Variants in MEOX2 observed in about 807,000 individuals in gnomAD.
MEOX2 encodes the protein mesenchyme homeobox 2.
In MEOX2, 11 loss-of-function variants were observed where a neutral mutation model predicts 27.0. The observed-to-expected ratio is 0.41, with a 90% CI of 0.26 to 0.68. The LOEUF (loss-of-function observed/expected upper bound fraction) is 0.68. Among genes scored for constraint, MEOX2 ranks in the 30% least tolerant of loss-of-function variants. The pLI, the probability that MEOX2 is intolerant of heterozygous loss-of-function variation, is 0.33. For missense variants in MEOX2, 436 were observed against 385.4 expected (o/e 1.13, Z -1.10); for synonymous variants, 189 against 155.4 (o/e 1.22, Z -1.61).
intron 1 of MEOX2, among the ~76,000 whole-genome samples, chr7:15,634,581 C>G (rs993406219): frequency 6.6e-6 from 1 of 151,930 alleles, no homozygotes; most frequent in African/African-American, 2.4e-5. Context: ...CCAATGTACT[C>G]CATGGGGAAA....
intron 1 of MEOX2, among the ~76,000 whole-genome samples, chr7:15,628,205 T>G (rs1263958101): frequency 6.6e-6 from 1 of 152,082 alleles, no homozygotes; most frequent in African/African-American, 2.4e-5. Context: ...AAAATGAATT[T>G]TTTAGTGTTC....
At chr7:15,672,095 A>C (rs2115391199) in intron 1 of MEOX2, among the ~76,000 whole-genome samples, 1 of 151,168 alleles carries the variant, frequency 6.6e-6, no homozygotes, top group South Asian at 2.1e-4. Context: ...TCCGTTTAAA[A>C]AAAAACAAAA....
At chr7:15,678,209 C>A (rs868322373) in intron 1 of MEOX2, among the ~76,000 whole-genome samples, 15 of 152,086 alleles carry the variant, frequency 9.9e-5, no homozygotes, top group Admixed American at 7.2e-4. Flanking sequence ...GTAAGCATAG[C>A]CTATAGGTGA....
intron 1 of MEOX2, among the ~76,000 whole-genome samples, chr7:15,669,150 A>G (rs553423967): frequency 6.6e-6 from 1 of 152,366 alleles, no homozygotes; most frequent in East Asian, 1.9e-4. Context: ...TCAATATAAA[A>G]GTAAACTCAT....
chr7:15,638,637 C>G (rs935119528), intron 1 of MEOX2, among the ~76,000 whole-genome samples: 1 of 152,022 alleles, frequency 6.6e-6, no homozygotes, highest in Non-Finnish European at 1.5e-5. Flanking sequence ...TCCTCCTTCT[C>G]TCTCTCCCCT....
chr7:15,624,635 TAGTC>T (rs1231610832), intron 2 of MEOX2, among the ~76,000 whole-genome samples: 1 of 152,148 alleles, frequency 6.6e-6, no homozygotes, highest in Non-Finnish European at 1.5e-5. Flanking sequence ...ATCTCTTTCT[TAGTC>T]AGCCCACCAG....
At chr7:15,680,737 T>C (rs1476518669) in intron 1 of MEOX2, 1 of 151,960 alleles carries the variant, frequency 6.6e-6, no homozygotes, top group Non-Finnish European at 1.5e-5. Context: ...GCACATGATA[T>C]GTAGAAACAA....
intron 2 of MEOX2, among the ~76,000 whole-genome samples, chr7:15,615,752 T>C (rs923931840): frequency 6.6e-6 from 1 of 152,066 alleles, no homozygotes; most frequent in African/African-American, 2.4e-5. Flanking sequence ...TATAGGGATA[T>C]TTTCTCATGG....
At chr7:15,665,294 A>G (rs551617792) in intron 1 of MEOX2, among the ~76,000 whole-genome samples, 64 of 152,288 alleles carry the variant, frequency 4.2e-4, no homozygotes, top group Middle Eastern at 3.4e-3. Flanking sequence ...AGTATGAAAA[A>G]AAAGCACCTT....
intron 1 of MEOX2, among the ~76,000 whole-genome samples, chr7:15,638,813 A>T (rs1021580441): frequency 2.6e-5 from 4 of 152,108 alleles, no homozygotes; most frequent in African/African-American, 9.7e-5. Flanking sequence ...ACAGGATTTG[A>T]TACCTTTTTT....
intron 1 of MEOX2, among the ~76,000 whole-genome samples, chr7:15,649,478 C>G (rs918397523): frequency 2.6e-5 from 4 of 151,970 alleles, no homozygotes; most frequent in African/African-American, 7.2e-5. Flanking sequence ...TGAAGTTTCA[C>G]AAGCAAATTA....
intron 1 of MEOX2, among the ~76,000 whole-genome samples, chr7:15,646,785 A>G (rs1781657443): frequency 6.6e-6 from 1 of 151,986 alleles, no homozygotes; most frequent in South Asian, 2.1e-4. Flanking sequence ...AAAGATTGAT[A>G]TACTAATTAA....
At chr7:15,651,254 G>A (rs568564702) in intron 1 of MEOX2, among the ~76,000 whole-genome samples, 61 of 151,958 alleles carry the variant, frequency 4.0e-4, no homozygotes, top group African/African-American at 1.3e-3. Context: ...AAATATCCAC[G>A]CTCCTTGGAT....
intron 1 of MEOX2, among the ~76,000 whole-genome samples, chr7:15,678,596 A>G (rs1364136867): frequency 6.6e-6 from 1 of 152,216 alleles, no homozygotes. Context: ...GTGGCTAAGA[A>G]TAACCATCCA....
intron 2 of MEOX2, among the ~76,000 whole-genome samples, chr7:15,622,634 A>G (rs1257355454): frequency 6.6e-6 from 1 of 152,164 alleles, no homozygotes; most frequent in Admixed American, 6.5e-5. Flanking sequence ...ACATGTGGAA[A>G]TCCTAGGGAA....
At chr7:15,671,661 T>G (rs114093049) in intron 1 of MEOX2, among the ~76,000 whole-genome samples, 13 of 152,284 alleles carry the variant, frequency 8.5e-5, no homozygotes, top group African/African-American at 3.1e-4. Flanking sequence ...GGTTAACCAG[T>G]CATACTCAAA....
chr7:15,651,680 TGTACTCTTGATCA>T (rs1222755258), intron 1 of MEOX2, among the ~76,000 whole-genome samples: 1 of 152,004 alleles, frequency 6.6e-6, no homozygotes, highest in African/African-American at 2.4e-5. Context: ...CACTAGACTC[TGTACTCTTGATCA>T]GTGCTCAAGA....
At chr7:15,627,655 A>T (rs1781334859) in intron 1 of MEOX2, among the ~76,000 whole-genome samples, 1 of 152,092 alleles carries the variant, frequency 6.6e-6, no homozygotes, top group South Asian at 2.1e-4. Flanking sequence ...GTAAAATACC[A>T]ATAGCAATTT....
chr7:15,637,528 A>ACACG (rs1288682560), intron 1 of MEOX2, among the ~76,000 whole-genome samples: 1 of 151,624 alleles, frequency 6.6e-6, no homozygotes, highest in African/African-American at 2.4e-5. Flanking sequence ...ACACACACAC[A>ACACG]CACGCACACA....
Sources: allele counts gnomAD v4.1 joint callset (sites outside exome capture counted in the v4.1 genomes callset), GRCh38; gene constraint gnomAD v4.1.1; transcripts MANE v1.5; gene names NCBI Gene and HGNC (gene_info 2026-07-23, HGNC 2026-07-21).